Variants in AFG1L observed in about 807,000 individuals in gnomAD.
The protein encoded by AFG1L is AFG1 like ATPase, also known as AFG1-like ATPase.
AFG1L carries 53 observed loss-of-function variants against 62.2 expected under a neutral mutation model. The observed-to-expected ratio is 0.85, with a 90% CI of 0.68 to 1.07. The LOEUF (loss-of-function observed/expected upper bound fraction) is 1.07, where lower values mean the gene tolerates loss of function less well. AFG1L is among the 50% of genes least tolerant of loss of function. AFG1L has a pLI of 0.00. For synonymous variants in AFG1L, 228 were observed against 210.3 expected (o/e 1.08, Z -0.73); for missense variants, 555 against 590.5 (o/e 0.94, Z 0.62).
intron 8 of AFG1L, among the ~76,000 whole-genome samples, chr6:108,451,317 C>G (rs1227611322): frequency 6.6e-6 from 1 of 152,038 alleles, no homozygotes. Flanking sequence ...TAAGAATATC[C>G]AAAATACAAT....
At chr6:108,473,180 C>T (rs1186181122) in intron 8 of AFG1L, among the ~76,000 whole-genome samples, 2 of 152,078 alleles carry the variant, frequency 1.3e-5, no homozygotes, top group Admixed American at 1.3e-4. Flanking sequence ...ACTGTTATAA[C>T]AAAAATAATT....
At chr6:108,381,227 A>G (rs1229783776) in intron 6 of AFG1L, among the ~76,000 whole-genome samples, 2 of 152,262 alleles carry the variant, frequency 1.3e-5, no homozygotes, top group African/African-American at 4.8e-5. Flanking sequence ...GATAAAATAT[A>G]CACAGAGAGA....
intron 7 of AFG1L, among the ~76,000 whole-genome samples, chr6:108,410,452 TAGAAG>T (rs1782047383): frequency 2.0e-5 from 3 of 152,128 alleles, no homozygotes; most frequent in South Asian, 2.1e-4. Flanking sequence ...AAGTAGATAC[TAGAAG>T]AGAAGAGAAG....
At chr6:108,353,533 C>A (rs559824503) in intron 3 of AFG1L, among the ~76,000 whole-genome samples, 1 of 151,880 alleles carries the variant, frequency 6.6e-6, no homozygotes. Context: ...CAGCAATGCA[C>A]AGATTCCAAT....
intron 11 of AFG1L, among the ~76,000 whole-genome samples, chr6:108,516,715 C>T (rs1019683172): frequency 6.6e-6 from 1 of 152,070 alleles, no homozygotes; most frequent in African/African-American, 2.4e-5. Flanking sequence ...TCAAATTGTC[C>T]CTGTTTGCAG....
chr6:108,332,878 G>A (rs7750773), intron 2 of AFG1L, among the ~76,000 whole-genome samples: 14,506 of 152,070 alleles, frequency 0.095, 1,940 homozygotes, highest in African/African-American at 0.3. Flanking sequence ...AAGTGCTGGG[G>A]TTACCGGCTG....
chr6:108,517,682 C>A (rs1774957400), intron 11 of AFG1L, among the ~76,000 whole-genome samples: 1 of 151,986 alleles, frequency 6.6e-6, no homozygotes, highest in South Asian at 2.1e-4. Flanking sequence ...GAGCTTCTGC[C>A]CAGCAAAAGA....
Position 108,324,036 on chromosome 6 carries a change from C to A in AFG1L, c.351C>A (p.Gly117=), listed in dbSNP as rs1186769652. The A allele has an allele frequency of 1.2e-6, 2 of 1,609,204 alleles. No individual in the cohort carries two copies. Among genetic ancestry groups the A allele is most frequent in the South Asian group, 1.1e-5 (1 of 90,690 alleles). The change falls in exon 2 of 13, where the codon GGC becomes GGA. Residue 117 remains glycine, a synonymous_variant. Coordinates refer to ENST00000368977, the MANE Select transcript of AFG1L (RefSeq NM_145315.5). Reference sequence around the variant, plus strand: ...AAGGATACAATATAGAGGCAGAAGGCCTTTTTTCAAAGGTGAGGCTTGTGT... The same window carrying A: ...AAGGATACAATATAGAGGCAGAAGGACTTTTTTCAAAGGTGAGGCTTGTGT... ...DLKGYNIEAE[G]LFSKLFSRSK...
At chr6:108,400,614 A>C (rs1375717973) in intron 6 of AFG1L, among the ~76,000 whole-genome samples, 1 of 133,808 alleles carries the variant, frequency 7.5e-6, no homozygotes, top group Non-Finnish European at 1.5e-5. Flanking sequence ...TATATATAAT[A>C]ATTTATATAA....
At chr6:108,411,269 G>A (rs186338105) in intron 7 of AFG1L, among the ~76,000 whole-genome samples, 1 of 152,208 alleles carries the variant, frequency 6.6e-6, no homozygotes, top group South Asian at 2.1e-4. Context: ...CTGGAAGCTC[G>A]AACTGGGTGG....
At chr6:108,516,184 CAG>C (rs1774881629) in intron 11 of AFG1L, among the ~76,000 whole-genome samples, 1 of 152,180 alleles carries the variant, frequency 6.6e-6, no homozygotes, top group Admixed American at 6.5e-5. Context: ...CAAAGACTGG[CAG>C]AGACACAACA....
At chr6:108,431,057 A>G (rs1771047665) in intron 7 of AFG1L, among the ~76,000 whole-genome samples, 1 of 152,104 alleles carries the variant, frequency 6.6e-6, no homozygotes, top group South Asian at 2.1e-4. Flanking sequence ...AATAGACCCA[A>G]GGTCTTGACC....
chr6:108,390,791 C>T (rs1262425078), intron 6 of AFG1L, among the ~76,000 whole-genome samples: 3 of 152,226 alleles, frequency 2.0e-5, no homozygotes, highest in Non-Finnish European at 2.9e-5. Flanking sequence ...GGGTGCCTCC[C>T]AGTTAGGCTG....
intron 8 of AFG1L, among the ~76,000 whole-genome samples, chr6:108,450,938 TA>T (rs201994960): frequency 0.012 from 1,672 of 136,568 alleles, 3 homozygotes; most frequent in African/African-American, 0.016. Flanking sequence ...CCACTGGTAT[TA>T]AAAAAAAAAA....
chr6:108,319,174 T>C (rs930305064), intron 1 of AFG1L, among the ~76,000 whole-genome samples: 1 of 152,212 alleles, frequency 6.6e-6, no homozygotes, highest in African/African-American at 2.4e-5. Flanking sequence ...GATGCCAAGA[T>C]AAACAGTACG....
At chr6:108,375,972 A>G (rs1220377138) in intron 6 of AFG1L, among the ~76,000 whole-genome samples, 2 of 152,020 alleles carry the variant, frequency 1.3e-5, no homozygotes, top group Non-Finnish European at 2.9e-5. Context: ...GTTTTTAATT[A>G]TTGATTCAAT....
rs191138291 is a variant in AFG1L, at chr6:108,460,245, A to G, written c.890+12949A>G. 6.6e-3 allele frequency among the ~76,000 whole-genome samples: 1,002 copies of G among 152,198 alleles called. 17 individuals carry two copies. The highest frequency in any genetic ancestry group is 0.042 in the South Asian group (203 of 4,822). On this transcript the variant is annotated intron_variant, in intron 8 of 12. Coordinates refer to ENST00000368977, the MANE Select transcript of AFG1L (RefSeq NM_145315.5). ...ATGACATAAATCAATTGCTTCTTCA[A>G]TAAATAAATAAGAAAAAGAGAGAGA...
intron 2 of AFG1L, among the ~76,000 whole-genome samples, chr6:108,333,095 G>A (rs1778339055): frequency 6.6e-6 from 1 of 152,108 alleles, no homozygotes; most frequent in African/African-American, 2.4e-5. Context: ...CAGACTGGGA[G>A]AAAAGATTTT....
intron 7 of AFG1L, among the ~76,000 whole-genome samples, chr6:108,420,250 A>G (rs930580619): frequency 1.3e-5 from 2 of 151,752 alleles, no homozygotes; most frequent in African/African-American, 4.8e-5. Flanking sequence ...GTAGCAGACA[A>G]CTCCTGAATT....
Sources: gnomAD v4.1 joint callset for allele counts (sites outside exome capture counted in the v4.1 genomes callset) on GRCh38, gnomAD v4.1.1 for gene constraint, MANE v1.5 for transcripts, NCBI Gene and HGNC (gene_info 2026-07-23, HGNC 2026-07-21) for gene names.